Variants in SLC35F1 observed in about 807,000 individuals in gnomAD.
The protein encoded by SLC35F1 is chromosome 6 open reading frame 169.
SLC35F1 carries 14 observed loss-of-function variants against 48.7 expected under a neutral mutation model. That is an observed-to-expected ratio of 0.29 (90% CI 0.19 to 0.45). The LOEUF is 0.45. SLC35F1 is among the 20% of genes least tolerant of loss of function. The probability of loss-of-function intolerance (pLI) is 1.00; values close to 1 mark genes in which losing one functional copy is unlikely to be tolerated. For missense variants in SLC35F1, 404 were observed against 500.0 expected (o/e 0.81, Z 1.83); for synonymous variants, 190 against 202.2 (o/e 0.94, Z 0.51).
At chr6:118,196,915 C>A (rs1480356366) in intron 2 of SLC35F1, among the ~76,000 whole-genome samples, 1 of 151,736 alleles carries the variant, frequency 6.6e-6, no homozygotes, top group African/African-American at 2.4e-5. Flanking sequence ...ATGTGAACAG[C>A]CAATTTTCCC....
rs561208375 is a variant in SLC35F1, at chr6:118,116,078, C to A, written c.174-38367C>A. On this transcript the variant is annotated intron_variant, in intron 1 of 7. Transcript: ENST00000360388. ...CAAATATGAGAGACAAACTTGGTGC[C>A]TTGATAAAAGAAGTATTTCAAACTG... 1.2e-4 allele frequency among the ~76,000 whole-genome samples: 19 copies of A among 152,190 alleles called. No homozygotes were observed. In the South Asian group the frequency reaches 2.7e-3, roughly 22 times the overall value.
intron 1 of SLC35F1, among the ~76,000 whole-genome samples, chr6:118,085,487 C>CTT (rs59548308): frequency 0.031 from 1,788 of 56,922 alleles, 520 homozygotes; most frequent in African/African-American, 0.084. Flanking sequence ...TCTTTCTTTC[C>CTT]TTTTTTTTTT....
At chr6:117,914,007 C>T (rs1414060576) in intron 1 of SLC35F1, among the ~76,000 whole-genome samples, 2 of 152,020 alleles carry the variant, frequency 1.3e-5, no homozygotes, top group Admixed American at 6.6e-5. Context: ...GCCAAGATCA[C>T]GCCACTGCAT....
rs904677232 is a variant in SLC35F1 at position 117,939,840 on chromosome 6, G to A, written c.173+31941G>A. Among the ~76,000 whole-genome samples the A allele has an allele frequency of 3.3e-5, 5 of 152,148 alleles. 1 individual carries two copies. The highest frequency in any genetic ancestry group is 3.3e-4 in the Admixed American group (5 of 15,280). ...GACCAAGCAAGTGGAGTGGGGACAG[G>A]TCATTGCATCCTTGTTGCCTGGTGG... On this transcript the variant is annotated intron_variant, in intron 1 of 7. Transcript: ENST00000360388.
chr6:118,077,085 C>T (rs1201928653), intron 1 of SLC35F1, among the ~76,000 whole-genome samples: 1 of 152,196 alleles, frequency 6.6e-6, no homozygotes, highest in Non-Finnish European at 1.5e-5. Context: ...CTTTGAAGAA[C>T]TTACATCTTC....
intron 1 of SLC35F1, among the ~76,000 whole-genome samples, chr6:117,908,483 A>T (rs954421318): frequency 1.3e-5 from 2 of 152,218 alleles, no homozygotes; most frequent in African/African-American, 4.8e-5. Flanking sequence ...AGCAGCGAAG[A>T]GAGGGCTAGA....
At chr6:118,007,268 C>G (rs1777185922) in intron 1 of SLC35F1, among the ~76,000 whole-genome samples, 1 of 152,154 alleles carries the variant, frequency 6.6e-6, no homozygotes, top group South Asian at 2.1e-4. Flanking sequence ...CTGTGATAAC[C>G]TCTTAATCCG....
At chr6:118,189,102 G>C (rs553708510) in intron 2 of SLC35F1, among the ~76,000 whole-genome samples, 84 of 152,076 alleles carry the variant, frequency 5.5e-4, no homozygotes, top group African/African-American at 1.9e-3. Flanking sequence ...TTGTAGAGAG[G>C]GAATCTCACC....
rs145479175 is a variant in SLC35F1, at chr6:118,007,931, C to A, written c.173+100032C>A. Among the ~76,000 whole-genome samples the A allele has an allele frequency of 7.4e-3, 1,133 of 152,240 alleles. 3 individuals carry two copies. The highest frequency in any genetic ancestry group is 0.011 in the Non-Finnish European group (743 of 68,010). ...TGTTGGAGAATTCGGTTCCTTGCAG[C>A]CATACGACTCACATCCCATTTTTCT... On this transcript the variant is annotated intron_variant, in intron 1 of 7. Transcript: ENST00000360388.
intron 7 of SLC35F1, among the ~76,000 whole-genome samples, chr6:118,312,886 G>A (rs573858135): frequency 2.0e-5 from 3 of 151,956 alleles, no homozygotes; most frequent in African/African-American, 7.2e-5. Flanking sequence ...GCAGTTTTTA[G>A]TTCTTTCAGT....
chr6:117,999,624 C>T (rs9765973), intron 1 of SLC35F1, among the ~76,000 whole-genome samples: 2 of 150,672 alleles, frequency 1.3e-5, no homozygotes, highest in Admixed American at 1.3e-4. Flanking sequence ...AAATAGAGAC[C>T]CAAAAAAACC....
chr6:118,222,516 A>T (rs1295018972), intron 2 of SLC35F1, among the ~76,000 whole-genome samples: 2 of 152,152 alleles, frequency 1.3e-5, no homozygotes, highest in African/African-American at 2.4e-5. Flanking sequence ...GGGGTATAAA[A>T]ATATTACCAT....
At chr6:118,152,812 G>A (rs1023885318) in intron 1 of SLC35F1, among the ~76,000 whole-genome samples, 2 of 152,222 alleles carry the variant, frequency 1.3e-5, no homozygotes, top group Admixed American at 1.3e-4. Flanking sequence ...TAAAGGCTAT[G>A]TCAGCAGGCA....
intron 1 of SLC35F1, among the ~76,000 whole-genome samples, chr6:118,053,744 T>G (rs997342570): frequency 2.0e-4 from 30 of 152,258 alleles, no homozygotes; most frequent in African/African-American, 6.3e-4. Flanking sequence ...TTTTTAGGGT[T>G]TTTATTTTTT....
chr6:118,277,270 C>G (rs889425482), intron 5 of SLC35F1, among the ~76,000 whole-genome samples: 1 of 152,134 alleles, frequency 6.6e-6, no homozygotes, highest in African/African-American at 2.4e-5. Flanking sequence ...GGTTGAGCGC[C>G]CCAGGGCCCC....
chr6:118,219,386 A>C (rs1446246610), intron 2 of SLC35F1, among the ~76,000 whole-genome samples: 1 of 152,230 alleles, frequency 6.6e-6, no homozygotes, highest in African/African-American at 2.4e-5. Context: ...GAAGAAATAC[A>C]CACATGAAAC....
chr6:118,150,283 G>A (rs1774036528), intron 1 of SLC35F1, among the ~76,000 whole-genome samples: 1 of 152,040 alleles, frequency 6.6e-6, no homozygotes, highest in African/African-American at 2.4e-5. Context: ...GCTCCATTTT[G>A]TACTAAGTTA....
intron 1 of SLC35F1, among the ~76,000 whole-genome samples, chr6:118,132,415 A>G (rs1773726760): frequency 6.6e-6 from 1 of 152,228 alleles, no homozygotes; most frequent in Non-Finnish European, 1.5e-5. Flanking sequence ...GACCGAGTTC[A>G]GATTACGTTT....
At chr6:118,152,107 G>A (rs1260934127) in intron 1 of SLC35F1, among the ~76,000 whole-genome samples, 2 of 152,162 alleles carry the variant, frequency 1.3e-5, no homozygotes, top group East Asian at 3.9e-4. Context: ...TTCCAGGGAA[G>A]AGAAGACGGA....
Sources: allele counts gnomAD v4.1 joint callset (sites outside exome capture counted in the v4.1 genomes callset), GRCh38; gene constraint gnomAD v4.1.1; transcripts MANE v1.5; gene names NCBI Gene and HGNC (gene_info 2026-07-23, HGNC 2026-07-21).